DCAF10: variants seen among roughly 807,000 people sequenced by gnomAD.
DCAF10 encodes DDB1 and CUL4 associated factor 10, also known as DDB1- and CUL4-associated factor 10.
DCAF10 carries 19 observed loss-of-function variants against 51.9 expected under a neutral mutation model. The observed-to-expected ratio is 0.37, with a 90% CI of 0.26 to 0.54. DCAF10 has a LOEUF of 0.54. DCAF10 is among the 20% of genes least tolerant of loss of function. DCAF10 has a pLI of 0.87. For missense variants in DCAF10, 510 were observed against 730.6 expected, an observed-to-expected ratio of 0.70 and a Z score of 3.48; for synonymous variants, 291 against 297.1, an observed-to-expected ratio of 0.98 and a Z score of 0.21.
chr9:37,856,104 T>C (rs1830840907), intron 4 of DCAF10, among the ~76,000 whole-genome samples: 1 of 152,042 alleles, frequency 6.6e-6, no homozygotes, highest in Non-Finnish European at 1.5e-5. Context: ...TGAGCCATGA[T>C]TGTGCCCCAC....
At chr9:37,859,334 G>A (rs1264928164) in intron 5 of DCAF10, among the ~76,000 whole-genome samples, 1 of 152,182 alleles carries the variant, frequency 6.6e-6, no homozygotes, top group Non-Finnish European at 1.5e-5. Context: ...CTTCCTTACA[G>A]TGTCTATGAA....
intron 2 of DCAF10, among the ~76,000 whole-genome samples, chr9:37,827,121 C>T (rs1327289620): frequency 1.3e-5 from 2 of 152,076 alleles, no homozygotes; most frequent in Non-Finnish European, 2.9e-5. Context: ...CCACTGCGCC[C>T]GGCCACCACA....
At chr9:37,844,441 A>G (rs1830419996) in intron 3 of DCAF10, among the ~76,000 whole-genome samples, 1 of 152,222 alleles carries the variant, frequency 6.6e-6, no homozygotes, top group Non-Finnish European at 1.5e-5. Context: ...ACCTGAGGTC[A>G]GGAGTTTGAG....
intron 3 of DCAF10, among the ~76,000 whole-genome samples, chr9:37,853,712 T>G (rs1830762285): frequency 6.6e-6 from 1 of 152,022 alleles, no homozygotes; most frequent in Non-Finnish European, 1.5e-5. Flanking sequence ...GCTCAAACCA[T>G]CCTCGCACCT....
intron 1 of DCAF10, among the ~76,000 whole-genome samples, chr9:37,814,102 A>T (rs1476271826): frequency 9.9e-6 from 1 of 100,828 alleles, no homozygotes; most frequent in African/African-American, 4.1e-5. Flanking sequence ...ATATATATAT[A>T]TATATATATA....
At chr9:37,852,750 A>C (rs920320515) in intron 3 of DCAF10, among the ~76,000 whole-genome samples, 1 of 152,062 alleles carries the variant, frequency 6.6e-6, no homozygotes, top group African/African-American at 2.4e-5. Context: ...TCTCTACTAA[A>C]AATGTGAAAA....
chr9:37,800,708 T>C (rs1828890398), upstream of DCAF10: 5 of 1,535,652 alleles, frequency 3.3e-6, no homozygotes, highest in South Asian at 5.9e-5. Context: ...CGGCGGTGTC[T>C]CAGCTTTCCC....
chr9:37,801,148 G>A lies in DCAF10; in HGVS notation c.282G>A (p.Pro94=), dbSNP rs768184466. The A allele has an allele frequency of 3.4e-5, 53 of 1,536,814 alleles. No homozygotes were observed. Among genetic ancestry groups the A allele is most frequent in the Admixed American group, 1.0e-4 (5 of 50,224 alleles). The part of the protein sequence containing the change: ...APGEPSPPSP[P]CRRPGPDCRA... ...GAGAGCCGTCACCTCCCTCCCCTCC[G>A]TGCCGGCGGCCCGGGCCAGACTGCA... The change falls in exon 1 of 7, where the codon CCG becomes CCA. Residue 94 remains proline, a synonymous_variant. Coordinates refer to ENST00000377724, the MANE Select transcript of DCAF10 (RefSeq NM_024345.5). The surrounding 1 kb of genome is among the most constrained non-coding windows in gnomAD (Gnocchi z 5.5).
intron 2 of DCAF10, among the ~76,000 whole-genome samples, chr9:37,830,402 T>C (rs1829972172): frequency 6.6e-6 from 1 of 152,236 alleles, no homozygotes; most frequent in African/African-American, 2.4e-5. Context: ...GGGTTCTTAT[T>C]AAACATTTAC....
chr9:37,835,907 G>T, intron 2 of DCAF10: 1 of 1,180,048 alleles, frequency 8.5e-7, no homozygotes, highest in Non-Finnish European at 1.3e-6. Flanking sequence ...TTTGAAAACT[G>T]TACCCACTTC....
chr9:37,861,674 T>G lies in DCAF10; in HGVS notation c.*166T>G, dbSNP rs1481293607. The G allele has an allele frequency of 5.4e-6, 5 of 921,416 alleles. No homozygotes were observed. Among genetic ancestry groups the G allele is most frequent in the Non-Finnish European group, 7.9e-6 (5 of 632,538 alleles). The allele number at this position is 921,416 out of a possible 1,614,324, so 57.1% of individuals were successfully genotyped here. ...GACCTTAGTACTTGGTCATCCAGCA[T>G]CATACAGGCATCTCCAAGTTAGACT... On this transcript the variant is annotated 3_prime_UTR_variant, in exon 7 of 7. Coordinates refer to ENST00000377724, the MANE Select transcript of DCAF10 (RefSeq NM_024345.5). This position sits in a 1 kb window ranked among gnomAD's most constrained non-coding sequence, Gnocchi z 4.9.
intron 3 of DCAF10, among the ~76,000 whole-genome samples, chr9:37,843,025 T>C (rs1326904711): frequency 3.9e-5 from 6 of 152,182 alleles, no homozygotes; most frequent in Admixed American, 3.9e-4. Flanking sequence ...TTTGTTTTTG[T>C]TGTTGTTTTT....
intron 2 of DCAF10, among the ~76,000 whole-genome samples, chr9:37,821,106 C>T (rs73646104): frequency 0.033 from 4,601 of 139,798 alleles, 240 homozygotes; most frequent in African/African-American, 0.12. Context: ...TATATATATA[C>T]ACACACACAC....
chr9:37,803,703 T>C (rs1355742747), intron 1 of DCAF10, among the ~76,000 whole-genome samples: 1 of 148,862 alleles, frequency 6.7e-6, no homozygotes, highest in Non-Finnish European at 1.5e-5. Flanking sequence ...AAAGTAATTT[T>C]ACAGATAGAT....
At chr9:37,827,070 C>T (rs1446839822) in intron 2 of DCAF10, among the ~76,000 whole-genome samples, 1 of 152,136 alleles carries the variant, frequency 6.6e-6, no homozygotes. Flanking sequence ...AGGTGATCCA[C>T]CTGCCTTGGT....
At chr9:37,810,905 G>A (rs1402108021) in intron 1 of DCAF10, among the ~76,000 whole-genome samples, 1 of 152,070 alleles carries the variant, frequency 6.6e-6, no homozygotes, top group Non-Finnish European at 1.5e-5. Context: ...ATCCAGAATC[G>A]ACAGTACTCA....
chr9:37,805,435 G>GATC (rs1401372198), intron 1 of DCAF10, among the ~76,000 whole-genome samples: 1 of 152,160 alleles, frequency 6.6e-6, no homozygotes, highest in Middle Eastern at 3.2e-3. Flanking sequence ...AGTGAGCGGA[G>GATC]ATCACATCAC....
At chr9:37,855,057 T>C in intron 4 of DCAF10, 75 bp downstream of exon 4, 4 of 1,376,962 alleles carry the variant, frequency 2.9e-6, no homozygotes, top group Non-Finnish European at 3.0e-6. Context: ...GTTTCTTTTC[T>C]GAAAATGATA....
chr9:37,845,245 G>A (rs142787549), intron 3 of DCAF10, among the ~76,000 whole-genome samples: 2 of 152,228 alleles, frequency 1.3e-5, no homozygotes, highest in African/African-American at 4.8e-5. Flanking sequence ...AATGATAAGT[G>A]TAAAAGCATA....
Sources: gnomAD v4.1 joint callset for allele counts (sites outside exome capture counted in the v4.1 genomes callset) on GRCh38, gnomAD v4.1.1 for gene constraint, Gnocchi (gnomAD v3.1) non-coding constraint, MANE v1.5 for transcripts, NCBI Gene and HGNC (gene_info 2026-07-23, HGNC 2026-07-21) for gene names.